GOSR2: variants seen among roughly 807,000 people sequenced by gnomAD.
GOSR2 encodes the protein golgi SNAP receptor complex member 2, also known as 27 kDa Golgi SNARE protein.
In GOSR2, 20 loss-of-function variants were observed where a neutral mutation model predicts 27.9. That is an observed-to-expected ratio of 0.72 (90% confidence interval 0.50 to 1.04). GOSR2 has a LOEUF of 1.04. Ranked by LOEUF, GOSR2 falls within the 50% of genes least tolerant of loss-of-function variation. The pLI is 0.00. For synonymous variants in GOSR2, 91 were observed against 98.8 expected (o/e 0.92, Z 0.47); for missense variants, 261 against 270.5 (o/e 0.97, Z 0.25).
intron 6 of GOSR2, among the ~76,000 whole-genome samples, chr17:46,955,940 C>G (rs2090678553): frequency 1.3e-5 from 2 of 152,186 alleles, no homozygotes; most frequent in African/African-American, 4.8e-5. Flanking sequence ...GGCGAAGACT[C>G]TAATTCCTTA....
Position 46,941,816 on chromosome 17 carries a change from C to A in GOSR2, c.*3056C>A. ...GACCAGATTGGTCTTAAACTCCTGGCCTCAAGTGATCTGCCTGCTTCGGCC... is the reference window on the plus strand; with the variant it reads ...GACCAGATTGGTCTTAAACTCCTGGACTCAAGTGATCTGCCTGCTTCGGCC... On this transcript the variant is annotated 3_prime_UTR_variant, in exon 6 of 6. Coordinates refer to ENST00000640051, the MANE Select transcript of GOSR2 (RefSeq NM_004287.5). 2.7e-6 allele frequency: 1 copy of A among 366,132 alleles called. No homozygotes were observed. Among genetic ancestry groups the A allele is most frequent in the Non-Finnish European group, 3.8e-6 (1 of 264,120 alleles). 22.7% of individuals were successfully genotyped at this position (366,132 alleles called of 1,614,324 possible).
At chr17:46,951,777 A>G (rs2090368130) in intron 6 of GOSR2, among the ~76,000 whole-genome samples, 1 of 152,164 alleles carries the variant, frequency 6.6e-6, no homozygotes, top group African/African-American at 2.4e-5. Context: ...TCAGAGAGGA[A>G]AAATGGCCCA....
rs769335455 is a variant in GOSR2 at position 46,929,836 on chromosome 17, T to A, written c.94+252T>A. 4.6e-4 allele frequency: 225 copies of A among 489,860 alleles called. 3 individuals carry two copies. The highest frequency in any genetic ancestry group is 1.7e-3 in the Middle Eastern group (3 of 1,774). 30.3% of individuals were successfully genotyped at this position (489,860 alleles called of 1,614,324 possible). ...ATGGCCCTATGGGAATGGAAGCGCT[T>A]GCCTCCATCTATCTTAATCTAATTA... On this transcript the variant is annotated intron_variant, in intron 2 of 5. Coordinates refer to ENST00000640051, the MANE Select transcript of GOSR2 (RefSeq NM_004287.5).
intron 6 of GOSR2, among the ~76,000 whole-genome samples, chr17:46,947,733 G>A (rs1341590315): frequency 6.6e-6 from 1 of 152,146 alleles, no homozygotes; most frequent in Non-Finnish European, 1.5e-5. Context: ...GGTAGCAAAA[G>A]TGCCTGTATT....
intron 6 of GOSR2, among the ~76,000 whole-genome samples, chr17:46,956,786 C>G (rs1022340658): frequency 2.0e-5 from 3 of 152,204 alleles, no homozygotes; most frequent in African/African-American, 7.2e-5. Flanking sequence ...ATACCACCAT[C>G]TGCTCTCGTC....
downstream of GOSR2, among the ~76,000 whole-genome samples, chr17:46,967,496 G>A (rs564991140): frequency 6.6e-5 from 10 of 152,324 alleles, no homozygotes. Context: ...GCTTGGTCTT[G>A]GAGGGTAAGT....
intron 3 of GOSR2, 96 bp downstream of exon 3, chr17:46,931,303 G>A (rs932026348): frequency 3.3e-5 from 25 of 748,210 alleles, no homozygotes; most frequent in Non-Finnish European, 4.9e-5. Flanking sequence ...GAAAACCAAC[G>A]TACATGTTGA....
intron 6 of GOSR2, chr17:46,949,259 C>T (rs535706981): frequency 6.6e-6 from 1 of 152,326 alleles, no homozygotes; most frequent in East Asian, 1.9e-4. Flanking sequence ...GTCGCTGAGC[C>T]CTGGACTGGG....
chr17:46,930,999 C>T, intron 2 of GOSR2, 100 bp from the exon 3 acceptor site: 1 of 735,858 alleles, frequency 1.4e-6, no homozygotes, highest in Non-Finnish European at 2.5e-6. Flanking sequence ...ATATGTAGTT[C>T]TAGTTTATTG....
chr17:46,949,070 G>C (rs918471475), intron 6 of GOSR2: 2 of 152,218 alleles, frequency 1.3e-5, no homozygotes, highest in African/African-American at 2.4e-5. Context: ...GACGGCAATA[G>C]CTCTCAGTTG....
At chr17:46,969,302 G>GC (rs1818215623), downstream of GOSR2, among the ~76,000 whole-genome samples, 1 of 152,226 alleles carries the variant, frequency 6.6e-6, no homozygotes, top group East Asian at 1.9e-4. Context: ...TGGTCCTTGT[G>GC]CCCCCTGGGG....
In GOSR2 at chr17:46,933,631, C is replaced by CTTTTTTTT. The variant is rs5820637; in HGVS notation, c.337-1391_337-1384dup. ...AGCAGCAAAGAAACAGTGGCATAAC[C>CTTTTTTTT]TTTTTTTTTTTTTTGGACAATTGAA... is the stretch of plus-strand genomic sequence containing the variant. On this transcript the variant is annotated intron_variant, in intron 4 of 5. Transcript: ENST00000640051. 1.5e-4 allele frequency: 20 copies of CTTTTTTTT among 134,748 alleles called. 1 individual carries two copies. The highest frequency in any genetic ancestry group is 2.9e-4 in the African/African-American group (10 of 34,984). The allele number at this position is 134,748 out of a possible 1,614,324, so 8.3% of individuals were successfully genotyped here.
chr17:46,936,384 A>T, intron 5 of GOSR2: 1 of 985,396 alleles, frequency 1.0e-6, no homozygotes, highest in Non-Finnish European at 1.2e-6. Context: ...CTGGGGCATC[A>T]GCACACCTCT....
At chr17:46,927,903 C>T (rs560950794) in intron 1 of GOSR2, among the ~76,000 whole-genome samples, 1 of 152,042 alleles carries the variant, frequency 6.6e-6, no homozygotes, top group Non-Finnish European at 1.5e-5. Flanking sequence ...TCAGATTTTT[C>T]TGTTAAATCA....
At chr17:46,949,427 C>T (rs1010601494) in intron 6 of GOSR2, 4 of 152,106 alleles carry the variant, frequency 2.6e-5, no homozygotes, top group African/African-American at 9.7e-5. Context: ...GGCCTCTGTT[C>T]TGCCATACTC....
chr17:46,956,975 G>T (rs1050671259), intron 6 of GOSR2, among the ~76,000 whole-genome samples: 3 of 152,304 alleles, frequency 2.0e-5, no homozygotes, highest in Admixed American at 1.3e-4. Context: ...TAAAGGTTGC[G>T]GGGGTGAGCT....
At chr17:46,955,061 G>A (rs1443153589) in intron 6 of GOSR2, among the ~76,000 whole-genome samples, 1 of 152,196 alleles carries the variant, frequency 6.6e-6, no homozygotes, top group African/African-American at 2.4e-5. Flanking sequence ...TGTTGAATAG[G>A]AGTGGTGAGA....
At chr17:46,945,600 G>A (rs1006567854), downstream of GOSR2, among the ~76,000 whole-genome samples, 4 of 152,092 alleles carry the variant, frequency 2.6e-5, no homozygotes, top group Admixed American at 6.6e-5. Flanking sequence ...AGGAACAGGC[G>A]TGGGCTATGC....
chr17:46,942,577 A>G (rs1272947193), downstream of GOSR2, among the ~76,000 whole-genome samples: 1 of 152,178 alleles, frequency 6.6e-6, no homozygotes, highest in Non-Finnish European at 1.5e-5. Context: ...GCTGGCATGG[A>G]CTATAGAGCT....
Sources: allele counts gnomAD v4.1 joint callset (sites outside exome capture counted in the v4.1 genomes callset), GRCh38; gene constraint gnomAD v4.1.1; transcripts MANE v1.5; gene names NCBI Gene and HGNC (gene_info 2026-07-23, HGNC 2026-07-21).